CMSS1: variants seen among roughly 807,000 people sequenced by gnomAD.
The protein encoded by CMSS1 is protein CMSS1.
Under a neutral mutation model 43.5 loss-of-function variants are expected in CMSS1, and 33 were observed. That is an observed-to-expected ratio of 0.76 (90% CI 0.57 to 1.01). The LOEUF (loss-of-function observed/expected upper bound fraction) is 1.01. Ranked by LOEUF, CMSS1 falls within the 50% of genes least tolerant of loss-of-function variation. CMSS1 has a pLI of 0.00. For missense variants in CMSS1, 313 were observed against 326.4 expected (o/e 0.96, Z 0.32); for synonymous variants, 115 against 117.2 (o/e 0.98, Z 0.12).
chr3:99,837,911 CTTGGGTCA>C (rs1366185147), intron 1 of CMSS1, among the ~76,000 whole-genome samples: 1 of 152,282 alleles, frequency 6.6e-6, no homozygotes, highest in East Asian at 1.9e-4. Context: ...TTCTGAAAGT[CTTGGGTCA>C]TTATCATAAC....
chr3:100,173,467 T>G (rs1306931731), intron 8 of CMSS1, among the ~76,000 whole-genome samples: 5 of 152,216 alleles, frequency 3.3e-5, no homozygotes, highest in African/African-American at 7.2e-5. Context: ...CTCCTGGTTC[T>G]AGAGCCTTTT....
rs113150628 is a variant in CMSS1 at position 100,177,623 on chromosome 3, G to A, written c.757-682G>A. Among the ~76,000 whole-genome samples the A allele has an allele frequency of 4.7e-3, 711 of 152,276 alleles. 4 individuals carry two copies. The highest frequency in any genetic ancestry group is 0.016 in the African/African-American group (668 of 41,550). On this transcript the variant is annotated intron_variant, in intron 9 of 9. Coordinates refer to ENST00000421999, the MANE Select transcript of CMSS1 (RefSeq NM_032359.4). ...GTATAGCATTTTATTTTGAATGGCT[G>A]CAAACAAAAGGGCACTTTAATGAAA...
chr3:99,916,572 G>A (rs971120934), intron 1 of CMSS1, among the ~76,000 whole-genome samples: 48 of 151,886 alleles, frequency 3.2e-4, no homozygotes, highest in African/African-American at 1.2e-3. Flanking sequence ...CTTAGCACTT[G>A]CTGTGCATTA....
At chr3:100,118,130 G>A (rs1456585117) in intron 1 of CMSS1, among the ~76,000 whole-genome samples, 1 of 151,296 alleles carries the variant, frequency 6.6e-6, no homozygotes, top group Non-Finnish European at 1.5e-5. Flanking sequence ...AATTTCATCT[G>A]GGGATGATGG....
At chr3:99,946,665 C>A (rs1708017367) in intron 1 of CMSS1, among the ~76,000 whole-genome samples, 1 of 152,218 alleles carries the variant, frequency 6.6e-6, no homozygotes, top group Non-Finnish European at 1.5e-5. Flanking sequence ...CCATGCACAT[C>A]ATAATTACTT....
chr3:100,080,475 A>G (rs1018573134), intron 1 of CMSS1, among the ~76,000 whole-genome samples: 49 of 152,224 alleles, frequency 3.2e-4, no homozygotes, highest in African/African-American at 1.1e-3. Flanking sequence ...TTTCAATTTT[A>G]TAGTAAGAGA....
chr3:99,875,438 G>C (rs937295040), intron 1 of CMSS1, among the ~76,000 whole-genome samples: 5 of 152,162 alleles, frequency 3.3e-5, no homozygotes, highest in African/African-American at 1.2e-4. Context: ...TTTTTCCAAT[G>C]CCTGGACTTG....
At chr3:99,934,284 C>A (rs1351995314) in intron 1 of CMSS1, among the ~76,000 whole-genome samples, 1 of 152,232 alleles carries the variant, frequency 6.6e-6, no homozygotes, top group Non-Finnish European at 1.5e-5. Context: ...AAGGAATTAA[C>A]TGCAGCCATC....
At chr3:100,117,242 A>G (rs2066578097) in intron 1 of CMSS1, among the ~76,000 whole-genome samples, 1 of 152,142 alleles carries the variant, frequency 6.6e-6, no homozygotes, top group Non-Finnish European at 1.5e-5. Flanking sequence ...TACATTGAGC[A>G]CTTTATTTAT....
intron 1 of CMSS1, among the ~76,000 whole-genome samples, chr3:100,083,708 CA>C (rs2065965128): frequency 1.3e-5 from 2 of 152,104 alleles, no homozygotes; most frequent in Admixed American, 6.5e-5. Flanking sequence ...TTTTCAACTT[CA>C]TAAAAAAAAT....
chr3:100,022,999 G>C (rs1027056346), intron 1 of CMSS1, among the ~76,000 whole-genome samples: 1 of 152,074 alleles, frequency 6.6e-6, no homozygotes, highest in African/African-American at 2.4e-5. Context: ...TGACATTTTT[G>C]CCTGCTGTTA....
chr3:100,000,860 A>G (rs370800547), intron 1 of CMSS1, among the ~76,000 whole-genome samples: 1 of 152,270 alleles, frequency 6.6e-6, no homozygotes, highest in East Asian at 1.9e-4. Context: ...TTTAACAAAT[A>G]TATTACTCAG....
intron 1 of CMSS1, among the ~76,000 whole-genome samples, chr3:99,916,229 A>C (rs1576570551): frequency 6.6e-6 from 1 of 152,280 alleles, no homozygotes; most frequent in East Asian, 1.9e-4. Flanking sequence ...GCCTGGGTTA[A>C]TTGCACTGGC....
chr3:100,132,186 A>G (rs1339201362), intron 1 of CMSS1, among the ~76,000 whole-genome samples: 2 of 151,992 alleles, frequency 1.3e-5, no homozygotes, highest in African/African-American at 4.8e-5. Context: ...CAGATTGCTT[A>G]AGGCCAGGAG....
chr3:99,840,080 C>T (rs930144095), intron 1 of CMSS1, among the ~76,000 whole-genome samples: 2 of 152,138 alleles, frequency 1.3e-5, no homozygotes, highest in African/African-American at 4.8e-5. Context: ...TGCTCCTAAA[C>T]ATTATACAGT....
chr3:100,093,912 C>T (rs555785841), intron 1 of CMSS1, among the ~76,000 whole-genome samples: 2 of 152,000 alleles, frequency 1.3e-5, no homozygotes, highest in Non-Finnish European at 2.9e-5. Flanking sequence ...CAAATAAAAC[C>T]ACCATAAAGA....
At chr3:100,041,194 C>T (rs895778454) in intron 1 of CMSS1, 1 of 152,122 alleles carries the variant, frequency 6.6e-6, no homozygotes, top group Non-Finnish European at 1.5e-5. Context: ...CCCTAAATCA[C>T]CATTTTTCAA....
rs776377840 is a variant in CMSS1 at position 99,850,681 on chromosome 3, C to T, written c.64+32638C>T. 2.0e-5 allele frequency: 32 copies of T among 1,613,942 alleles called. No individual in the cohort carries two copies. The highest frequency in any genetic ancestry group is 1.6e-4 in the Middle Eastern group (1 of 6,082). On this transcript the variant is annotated intron_variant, in intron 1 of 9. Transcript: ENST00000421999. ...TGTCTCTTCTAACTCATCAATCTGCCGGCTGAGTGCTGCCAGCTTTTGTTG... is the reference window on the plus strand; with the variant it reads ...TGTCTCTTCTAACTCATCAATCTGCTGGCTGAGTGCTGCCAGCTTTTGTTG...
At chr3:99,822,718 A>G (rs1942461953) in intron 1 of CMSS1, among the ~76,000 whole-genome samples, 1 of 152,098 alleles carries the variant, frequency 6.6e-6, no homozygotes, top group Admixed American at 6.6e-5. Context: ...GGCAATAAGA[A>G]CAAAACTCCA....
Sources: allele counts gnomAD v4.1 joint callset (sites outside exome capture counted in the v4.1 genomes callset), GRCh38; gene constraint gnomAD v4.1.1; transcripts MANE v1.5; gene names NCBI Gene and HGNC (gene_info 2026-07-23, HGNC 2026-07-21).